The following SAMD12 variants were observed in gnomAD, a reference collection of about 807,000 sequenced individuals.
SAMD12 encodes sterile alpha motif domain-containing protein 12.
A neutral mutation model predicts 15.0 loss-of-function variants in SAMD12; 9 were observed. That is an observed-to-expected ratio of 0.60 (90% confidence interval 0.36 to 1.05). SAMD12 has a LOEUF of 1.05. Among genes scored for constraint, SAMD12 ranks in the 50% least tolerant of loss-of-function variants. The pLI is 0.01. For synonymous variants in SAMD12, 86 were observed against 90.1 expected, an observed-to-expected ratio of 0.96 and a Z score of 0.25; for missense variants, 230 against 234.2, an observed-to-expected ratio of 0.98 and a Z score of 0.12.
chr8:118,428,990 T>C (rs151216410), intron 3 of SAMD12, among the ~76,000 whole-genome samples: 232 of 152,320 alleles, frequency 1.5e-3, no homozygotes, highest in Middle Eastern at 0.01. Context: ...TCTGGTGTTA[T>C]ATTGATTGTG....
chr8:118,419,848 G>A (rs1821914545), intron 3 of SAMD12, among the ~76,000 whole-genome samples: 1 of 152,126 alleles, frequency 6.6e-6, no homozygotes, highest in Non-Finnish European at 1.5e-5. Flanking sequence ...GGCAACATGT[G>A]ACCTTTTGAA....
At chr8:118,619,594 C>G (rs1042750543) in intron 1 of SAMD12, among the ~76,000 whole-genome samples, 1 of 152,118 alleles carries the variant, frequency 6.6e-6, no homozygotes, top group Non-Finnish European at 1.5e-5. Flanking sequence ...TACAAAACCT[C>G]CATGAATATA....
At chr8:118,316,740 C>T (rs938554949) in intron 4 of SAMD12, among the ~76,000 whole-genome samples, 16 of 151,800 alleles carry the variant, frequency 1.1e-4, no homozygotes, top group East Asian at 1.9e-4. Flanking sequence ...GTCCACTCCC[C>T]GCAAAATTCT....
chr8:118,508,779 G>A (rs1824994573), intron 2 of SAMD12, among the ~76,000 whole-genome samples: 1 of 152,188 alleles, frequency 6.6e-6, no homozygotes, highest in African/African-American at 2.4e-5. Context: ...AGGGTAGGCG[G>A]AGTATGACAG....
At chr8:118,273,611 C>A (rs1813414091) in intron 4 of SAMD12, among the ~76,000 whole-genome samples, 1 of 152,094 alleles carries the variant, frequency 6.6e-6, no homozygotes, top group Non-Finnish European at 1.5e-5. Context: ...GGAGACCCTC[C>A]CAGAGTGGCC....
At chr8:118,157,820 T>G in the SAMD12 span, among the ~76,000 whole-genome samples, 1 of 152,220 alleles carries the variant, frequency 6.6e-6, no homozygotes, top group Non-Finnish European at 1.5e-5. Flanking sequence ...GCCTTCTAAC[T>G]TAAAATCTCC....
chr8:118,191,845 G>GAT (rs1819410866), exon 5 of SAMD12: 1 of 127,574 alleles, frequency 7.8e-6, no homozygotes, highest in Non-Finnish European at 1.7e-5. Flanking sequence ...GAGAGAGAGA[G>GAT]AGAGAGTGAG....
chr8:118,213,385 G>A (rs1376264570), intron 4 of SAMD12, among the ~76,000 whole-genome samples: 2 of 152,142 alleles, frequency 1.3e-5, no homozygotes, highest in Admixed American at 6.5e-5. Flanking sequence ...AAGCCATGAC[G>A]CAACATGGAC....
intron 3 of SAMD12, among the ~76,000 whole-genome samples, chr8:118,432,590 G>A (rs1481349707): frequency 1.3e-5 from 2 of 152,146 alleles, no homozygotes; most frequent in African/African-American, 2.4e-5. Context: ...CCAACTTACT[G>A]TGATAAGTCT....
chr8:118,444,169 AG>A (rs1210976753), intron 2 of SAMD12, among the ~76,000 whole-genome samples: 1 of 152,218 alleles, frequency 6.6e-6, no homozygotes, highest in Non-Finnish European at 1.5e-5. Context: ...CACCTTTACT[AG>A]AAACAGTAAG....
At chr8:118,527,271 ATG>A (rs1394402569) in intron 2 of SAMD12, among the ~76,000 whole-genome samples, 3 of 152,126 alleles carry the variant, frequency 2.0e-5, no homozygotes, top group Non-Finnish European at 2.9e-5. Flanking sequence ...AACCCTCATC[ATG>A]TTTCTCTTGG....
chr8:118,305,150 A>C (rs1815268016), intron 4 of SAMD12, among the ~76,000 whole-genome samples: 5 of 62,132 alleles, frequency 8.0e-5, no homozygotes, highest in Admixed American at 7.7e-4. Context: ...CTGTCAAAAA[A>C]AAAAAAAAAA....
intron 3 of SAMD12, among the ~76,000 whole-genome samples, chr8:118,431,049 A>G (rs1161942266): frequency 6.6e-6 from 1 of 152,080 alleles, no homozygotes; most frequent in African/African-American, 2.4e-5. Context: ...TTTCCTTTAT[A>G]AAAAAATTTT....
At chr8:118,140,522 TCA>T in the SAMD12 span, among the ~76,000 whole-genome samples, 30 of 152,278 alleles carry the variant, frequency 2.0e-4, no homozygotes, top group Middle Eastern at 0.014. Context: ...TCCTCCTACC[TCA>T]GTCTCCCAAA....
intron 1 of SAMD12, among the ~76,000 whole-genome samples, chr8:118,589,705 G>A (rs1691370209): frequency 6.6e-6 from 1 of 152,122 alleles, no homozygotes; most frequent in Non-Finnish European, 1.5e-5. Context: ...CTACACTGGT[G>A]ACTTTAAAAA....
exon 5 of SAMD12, chr8:118,196,936 T>C (rs1314783139): frequency 6.6e-6 from 1 of 152,174 alleles, no homozygotes; most frequent in African/African-American, 2.4e-5. Context: ...CCCTTCTTCT[T>C]CCCTTTGGTG....
chr8:118,249,920 A>G (rs1319356405), intron 4 of SAMD12, among the ~76,000 whole-genome samples: 1 of 152,120 alleles, frequency 6.6e-6, no homozygotes, highest in Non-Finnish European at 1.5e-5. Context: ...CCTCATCACT[A>G]TTTGGGTGAC....
chr8:118,138,153 G>T, the SAMD12 span, among the ~76,000 whole-genome samples: 1 of 152,180 alleles, frequency 6.6e-6, no homozygotes, highest in African/African-American at 2.4e-5. Flanking sequence ...GCATGGAACA[G>T]TGATAAGAAC....
intron 2 of SAMD12, among the ~76,000 whole-genome samples, chr8:118,532,812 A>G (rs981911366): frequency 5.3e-5 from 8 of 151,686 alleles, no homozygotes; most frequent in African/African-American, 9.7e-5. Flanking sequence ...TATTGCATCT[A>G]TTTGATTCTT....
Sources: gnomAD v4.1 joint callset for allele counts (sites outside exome capture counted in the v4.1 genomes callset) on GRCh38, gnomAD v4.1.1 for gene constraint, MANE v1.5 for transcripts, NCBI Gene and HGNC (gene_info 2026-07-23, HGNC 2026-07-21) for gene names.